The following PALLD variants were observed in gnomAD, a reference collection of about 807,000 sequenced individuals.
PALLD encodes the protein palladin.
A neutral mutation model predicts 123.5 loss-of-function variants in PALLD; 61 were observed. The ratio of observed to expected loss-of-function variants is 0.49; its 90% CI spans 0.40 to 0.61. The LOEUF (loss-of-function observed/expected upper bound fraction) is 0.61, where lower values mean the gene tolerates loss of function less well. PALLD is among the 20% of genes least tolerant of loss of function. The probability of loss-of-function intolerance (pLI) is 0.00; values close to 1 mark genes in which losing one functional copy is unlikely to be tolerated. For synonymous variants in PALLD, 465 were observed against 496.4 expected (o/e 0.94, Z 0.84); for missense variants, 1,273 against 1,377.0 (o/e 0.92, Z 1.20).
At chr4:168,733,782 G>A (rs1417289923) in intron 10 of PALLD, among the ~76,000 whole-genome samples, 1 of 152,078 alleles carries the variant, frequency 6.6e-6, no homozygotes, top group Non-Finnish European at 1.5e-5. Flanking sequence ...TGCCCTGGCC[G>A]GACTGCAGTG....
At chr4:168,574,940 A>G (rs1283398146) in intron 2 of PALLD, among the ~76,000 whole-genome samples, 1 of 152,126 alleles carries the variant, frequency 6.6e-6, no homozygotes. Context: ...AGAGATCAAC[A>G]TTCACCAGCA....
At chr4:168,626,396 A>G (rs28841615) in intron 2 of PALLD, among the ~76,000 whole-genome samples, 23,829 of 96,646 alleles carry the variant, frequency 0.25, 2,639 homozygotes, top group African/African-American at 0.4. Flanking sequence ...GCGAGACTCC[A>G]TCTCAAAAAA....
At chr4:168,909,297 G>A in intron 15 of PALLD, among the ~76,000 whole-genome samples, 1 of 152,114 alleles carries the variant, frequency 6.6e-6, no homozygotes, top group Admixed American at 6.5e-5. Context: ...TATACAAGTG[G>A]CAAGCTTTTA....
At chr4:168,622,502 A>C (rs1053983459) in intron 2 of PALLD, among the ~76,000 whole-genome samples, 4 of 152,176 alleles carry the variant, frequency 2.6e-5, no homozygotes, top group African/African-American at 9.7e-5. Flanking sequence ...AATGTGAAAG[A>C]TTTCCATGTA....
chr4:168,684,653 C>T (rs1482300439), intron 5 of PALLD, among the ~76,000 whole-genome samples: 1 of 152,124 alleles, frequency 6.6e-6, no homozygotes, highest in South Asian at 2.1e-4. Context: ...ATTCTTGGGA[C>T]ATAAAAAGAC....
At chr4:168,558,682 C>T (rs1767572981) in intron 2 of PALLD, among the ~76,000 whole-genome samples, 2 of 152,232 alleles carry the variant, frequency 1.3e-5, no homozygotes, top group South Asian at 4.1e-4. Context: ...CGTGGGTACC[C>T]ATTATCCACC....
chr4:168,673,977 C>T (rs538770789), intron 3 of PALLD, among the ~76,000 whole-genome samples: 13 of 152,086 alleles, frequency 8.5e-5, no homozygotes, highest in African/African-American at 2.7e-4. Context: ...TGTAATGCCG[C>T]GATCTCGGCT....
chr4:168,595,561 T>A (rs1213983347), intron 2 of PALLD, among the ~76,000 whole-genome samples: 1 of 152,180 alleles, frequency 6.6e-6, no homozygotes, highest in African/African-American at 2.4e-5. Context: ...GCCAAAACCA[T>A]CCCTCTCTAT....
intron 10 of PALLD, among the ~76,000 whole-genome samples, chr4:168,848,162 C>T (rs1747179965): frequency 7.1e-6 from 1 of 140,902 alleles, no homozygotes; most frequent in Non-Finnish European, 1.5e-5. Flanking sequence ...CCACCCCACC[C>T]CACCCCACCC....
chr4:168,668,418 A>T, intron 3 of PALLD, 50 bp downstream of exon 3: 1 of 1,450,450 alleles, frequency 6.9e-7, no homozygotes, highest in Non-Finnish European at 9.4e-7. Context: ...CAATGGTCTA[A>T]TGACTCCAGT....
At chr4:168,586,128 C>T (rs903167376) in intron 2 of PALLD, among the ~76,000 whole-genome samples, 2 of 138,750 alleles carry the variant, frequency 1.4e-5, no homozygotes, top group Non-Finnish European at 3.0e-5. Flanking sequence ...TATACTACAT[C>T]GCTTCTCCAG....
chr4:168,739,444 A>C (rs1357368607), intron 10 of PALLD, among the ~76,000 whole-genome samples: 1 of 152,182 alleles, frequency 6.6e-6, no homozygotes, highest in Non-Finnish European at 1.5e-5. Context: ...AGATAAAGAG[A>C]GCTTGGTCAA....
chr4:168,628,347 C>A (rs1477027271), intron 2 of PALLD, among the ~76,000 whole-genome samples: 1 of 152,208 alleles, frequency 6.6e-6, no homozygotes, highest in Non-Finnish European at 1.5e-5. Context: ...CAAGACCCTC[C>A]AATGGCTGTC....
At chr4:168,783,911 CT>C (rs1401091379) in intron 10 of PALLD, among the ~76,000 whole-genome samples, 1 of 152,090 alleles carries the variant, frequency 6.6e-6, no homozygotes, top group Non-Finnish European at 1.5e-5. Flanking sequence ...TAATTGTCCC[CT>C]GATCCCAAAT....
rs1484758238 is a variant in PALLD at position 168,921,644 on chromosome 4, C to T, written c.2961C>T (p.Ile987=). The change falls in exon 18 of 22, where the codon ATC becomes ATT. Residue 987 remains isoleucine, a synonymous_variant. Coordinates refer to ENST00000505667, the MANE Select transcript of PALLD (RefSeq NM_001166108.2). ...GTGAGAACGGGGTGCACTCTCTGAT[C>T]ATAGAGCCAGTCACGTCACGTGATG... ...LVRENGVHSL[I]IEPVTSRDAG... is the part of the protein sequence containing the mutation. The T allele has an allele frequency of 8.7e-6, 14 of 1,611,330 alleles. No individual in the cohort carries two copies. The highest frequency in any genetic ancestry group is 5.4e-5 in the African/African-American group (4 of 74,098).
intron 10 of PALLD, among the ~76,000 whole-genome samples, chr4:168,779,500 AT>A (rs1440240932): frequency 6.6e-6 from 1 of 151,024 alleles, no homozygotes; most frequent in African/African-American, 2.4e-5. Flanking sequence ...TATATAAAAA[AT>A]CATATATATA....
intron 10 of PALLD, among the ~76,000 whole-genome samples, chr4:168,799,781 TAAACATTATATTCTTTTCCCTGAG>T (rs1436403772): frequency 2.7e-5 from 4 of 148,428 alleles, no homozygotes; most frequent in Admixed American, 6.7e-5. Flanking sequence ...GAAATTATCT[TAAACATTATATTCTTTTCCCTGAG>T]GCAGAAAATG....
At chr4:168,617,877 G>A (rs1020718347) in intron 2 of PALLD, among the ~76,000 whole-genome samples, 2 of 152,164 alleles carry the variant, frequency 1.3e-5, no homozygotes, top group East Asian at 3.9e-4. Context: ...TAGTTATGAA[G>A]CTCCCTCCAC....
At chr4:168,595,190 C>G (rs1411899844) in intron 2 of PALLD, among the ~76,000 whole-genome samples, 1 of 152,164 alleles carries the variant, frequency 6.6e-6, no homozygotes, top group Non-Finnish European at 1.5e-5. Context: ...TGGTTATCCG[C>G]TGTCTTTTAT....
Sources: gnomAD v4.1 joint callset for allele counts (sites outside exome capture counted in the v4.1 genomes callset) on GRCh38, gnomAD v4.1.1 for gene constraint, MANE v1.5 for transcripts, NCBI Gene and HGNC (gene_info 2026-07-23, HGNC 2026-07-21) for gene names.